Variants in KCNJ1 observed in about 807,000 individuals in gnomAD.
The protein encoded by KCNJ1 is potassium inwardly rectifying channel subfamily J member 1.
In KCNJ1, 24 loss-of-function variants were observed where a neutral mutation model predicts 21.9. The observed-to-expected ratio is 1.10, with a 90% CI of 0.79 to 1.54. The LOEUF (loss-of-function observed/expected upper bound fraction) is 1.54, where lower values mean the gene tolerates loss of function less well. Among genes scored for constraint, KCNJ1 ranks in the 40% most tolerant of loss-of-function variants. KCNJ1 has a pLI of 0.00. For synonymous variants in KCNJ1, 152 were observed against 160.9 expected (o/e 0.94, Z 0.42); for missense variants, 457 against 455.4 (o/e 1.00, Z -0.03).
At chr11:128,859,597 C>T (rs1347364989) in intron 1 of KCNJ1, among the ~76,000 whole-genome samples, 1 of 152,198 alleles carries the variant, frequency 6.6e-6, no homozygotes, top group East Asian at 1.9e-4. Context: ...CCCTAAAGAT[C>T]TGGCCCAGAA....
rs747383448 is a variant in KCNJ1, at chr11:128,839,976, G to T, written c.268C>A (p.Leu90Ile). 3 of 1,614,156 alleles carry T rather than the reference G, an allele frequency of 1.9e-6. No homozygotes were observed. The South Asian group carries it at 3.3e-5, about 18-fold the overall frequency. The change falls in exon 3 of 3, where the codon CTC becomes ATC. Residue 90 changes from leucine (L) to isoleucine (I), a missense_variant. Transcript: ENST00000392666. ...WYAVAYIHKD[L>I]PEFHPSANHT... ...TTGGCAGAAGGATGGAATTCCGGGA[G>T]GTCTTTGTGAATGTACGCTACTGCA...
chr11:128,839,229 A>C lies in KCNJ1; in HGVS notation c.1015T>G (p.Cys339Gly). The C allele has an allele frequency of 6.2e-7, 1 of 1,614,178 alleles. No individual in the cohort carries two copies. Among genetic ancestry groups the C allele is most frequent in the Non-Finnish European group, 8.5e-7 (1 of 1,180,018 alleles). ...CTAACATCTTTCTCATTATAAAGGC[A>C]CATGGCACAGTGAGGGGTCTCCACT... Reference protein sequence around the residue: ...VEVETPHCAMCLYNEKDVRAR... With the variant: ...VEVETPHCAMGLYNEKDVRAR... The change falls in exon 3 of 3, where the codon TGC (cysteine) becomes GGC (glycine). Residue 339 changes from cysteine (C) to glycine (G), a missense_variant. Cys to Gly is a radical substitution (Grantham distance 159). Coordinates refer to ENST00000392666, the MANE Select transcript of KCNJ1 (RefSeq NM_153766.3).
intron 1 of KCNJ1, among the ~76,000 whole-genome samples, chr11:128,860,188 T>C (rs1432126608): frequency 6.6e-6 from 1 of 152,218 alleles, no homozygotes. Flanking sequence ...AGGGCCATCG[T>C]TCAGATTAAA....
intron 1 of KCNJ1, among the ~76,000 whole-genome samples, chr11:128,865,031 C>T (rs977218115): frequency 1.1e-4 from 16 of 152,088 alleles, no homozygotes; most frequent in South Asian, 2.1e-4. Context: ...TCCCTCACCC[C>T]TCCCCTGGCC....
chr11:128,845,146 C>G (rs1056106207), intron 2 of KCNJ1, among the ~76,000 whole-genome samples: 2 of 152,216 alleles, frequency 1.3e-5, no homozygotes. Context: ...GGGCAGAGCC[C>G]CTTCCTTCTT....
intron 2 of KCNJ1, among the ~76,000 whole-genome samples, chr11:128,843,599 T>C (rs1238902413): frequency 6.6e-6 from 1 of 152,196 alleles, no homozygotes; most frequent in Non-Finnish European, 1.5e-5. Context: ...AAGGAGTTCA[T>C]AGTCTAATGG....
chr11:128,852,846 G>T (rs113161886), intron 1 of KCNJ1, among the ~76,000 whole-genome samples: 1 of 152,220 alleles, frequency 6.6e-6, no homozygotes, highest in Admixed American at 6.5e-5. Flanking sequence ...AGGAAGGGGG[G>T]CATCCCCCTA....
chr11:128,848,563 G>A (rs1943424280), intron 2 of KCNJ1, among the ~76,000 whole-genome samples: 2 of 152,124 alleles, frequency 1.3e-5, no homozygotes, highest in African/African-American at 4.8e-5. Context: ...ATGCTAGCAT[G>A]TCTCAGCTGT....
intron 1 of KCNJ1, among the ~76,000 whole-genome samples, chr11:128,860,439 CT>C: frequency 6.6e-6 from 1 of 152,258 alleles, no homozygotes. Context: ...TACATGAGTT[CT>C]TGTAGAAATG....
intron 2 of KCNJ1, among the ~76,000 whole-genome samples, chr11:128,846,694 G>T (rs181547019): frequency 6.6e-6 from 1 of 152,284 alleles, no homozygotes; most frequent in East Asian, 1.9e-4. Context: ...CCTTGGCAAG[G>T]CTGAACAGAG....
intron 1 of KCNJ1, among the ~76,000 whole-genome samples, chr11:128,863,942 T>C (rs560000677): frequency 6.6e-6 from 1 of 152,284 alleles, no homozygotes; most frequent in African/African-American, 2.4e-5. Flanking sequence ...TTGCACATCC[T>C]TCACAATCTT....
At position 128,839,210 on chromosome 11, in the gene KCNJ1, T is replaced by G. The variant is rs748305494; in HGVS notation, c.1034A>C (p.Asp345Ala). Residue 345 changes from aspartate (D) to alanine (A), a missense_variant, in exon 3 of 3, where the codon GAT (aspartate) becomes GCT (alanine). Transcript: ENST00000392666. Reference protein sequence around the residue: ...HCAMCLYNEKDVRARMKRGYD... With the variant: ...HCAMCLYNEKAVRARMKRGYD... ...GCCTCTCTTCATCCTGGCTCTAACA[T>G]CTTTCTCATTATAAAGGCACATGGC... 16 of 1,614,176 alleles carry G rather than the reference T, an allele frequency of 9.9e-6. No individual in the cohort carries two copies. Among genetic ancestry groups the G allele is most frequent in the Non-Finnish European group, 1.4e-5 (16 of 1,180,010 alleles).
chr11:128,866,950 G>A (rs543297167), intron 1 of KCNJ1, among the ~76,000 whole-genome samples: 5 of 152,220 alleles, frequency 3.3e-5, no homozygotes, highest in Admixed American at 2.0e-4. Flanking sequence ...CCAGGGCTGC[G>A]GAGTGACCCA....
chr11:128,864,751 C>G (rs1943786855), intron 1 of KCNJ1, among the ~76,000 whole-genome samples: 2 of 152,104 alleles, frequency 1.3e-5, no homozygotes, highest in South Asian at 4.1e-4. Context: ...TCTCTGGCTC[C>G]TGTTTCAGAG....
At chr11:128,842,873 G>T (rs1467033439) in intron 2 of KCNJ1, among the ~76,000 whole-genome samples, 2 of 152,026 alleles carry the variant, frequency 1.3e-5, no homozygotes, top group Admixed American at 6.6e-5. Flanking sequence ...GTTTTCCAAG[G>T]GTTCACAAAG....
intron 2 of KCNJ1, among the ~76,000 whole-genome samples, chr11:128,841,513 C>T (rs1336563970): frequency 1.3e-5 from 2 of 152,194 alleles, no homozygotes; most frequent in African/African-American, 4.8e-5. Flanking sequence ...ATTACCTCCT[C>T]CCCCATGCCC....
chr11:128,860,395 G>C (rs1316173240), intron 1 of KCNJ1, among the ~76,000 whole-genome samples: 1 of 152,202 alleles, frequency 6.6e-6, no homozygotes, highest in Non-Finnish European at 1.5e-5. Context: ...ATATAAGTGC[G>C]TGACACTGCA....
rs570891086 is a variant in KCNJ1, at chr11:128,854,174, G to A, written c.-191-3284C>T. On this transcript the variant is annotated intron_variant, in intron 1 of 2. Transcript: ENST00000392666. Reference sequence around the variant, plus strand: ...TGCCAGAGGGCAGGTCTGTGGGATGGGAGGAAACTCACAGGGTCCCTCCTA... The same window carrying A: ...TGCCAGAGGGCAGGTCTGTGGGATGAGAGGAAACTCACAGGGTCCCTCCTA... Among the ~76,000 whole-genome samples, 33 of 152,320 alleles carry A rather than the reference G, an allele frequency of 2.2e-4. No homozygotes were observed. In the South Asian group the frequency reaches 6.8e-3, roughly 32 times the overall value.
At chr11:128,848,797 G>A (rs1943429128) in intron 2 of KCNJ1, among the ~76,000 whole-genome samples, 1 of 152,188 alleles carries the variant, frequency 6.6e-6, no homozygotes, top group African/African-American at 2.4e-5. Context: ...AAGGGAAAGT[G>A]TTGCTTTATT....
Sources: allele counts gnomAD v4.1 joint callset (sites outside exome capture counted in the v4.1 genomes callset), GRCh38; gene constraint gnomAD v4.1.1; transcripts MANE v1.5; gene names NCBI Gene and HGNC (gene_info 2026-07-23, HGNC 2026-07-21).